The following CAMK4 variants were observed in gnomAD, a reference collection of about 807,000 sequenced individuals.
CAMK4 encodes calcium/calmodulin dependent protein kinase IV, also known as calcium/calmodulin-dependent protein kinase type IV.
Under a neutral mutation model 44.9 loss-of-function variants are expected in CAMK4, and 22 were observed. That is an observed-to-expected ratio of 0.49 (90% CI 0.35 to 0.70). The LOEUF (loss-of-function observed/expected upper bound fraction) is 0.70, where lower values mean the gene tolerates loss of function less well. Among genes scored for constraint, CAMK4 ranks in the 30% least tolerant of loss-of-function variants. The pLI, the probability that CAMK4 is intolerant of heterozygous loss-of-function variation, is 0.01. For missense variants in CAMK4, 498 were observed against 586.8 expected (o/e 0.85, Z 1.56); for synonymous variants, 218 against 215.4 (o/e 1.01, Z -0.11).
At chr5:111,329,973 A>T (rs188130017) in intron 1 of CAMK4, among the ~76,000 whole-genome samples, 3 of 151,700 alleles carry the variant, frequency 2.0e-5, no homozygotes, top group Non-Finnish European at 2.9e-5. Flanking sequence ...ATAGAATATT[A>T]TATTTGAGGT....
chr5:111,460,605 A>G (rs1341111256), intron 7 of CAMK4, among the ~76,000 whole-genome samples: 3 of 152,156 alleles, frequency 2.0e-5, no homozygotes, highest in Non-Finnish European at 2.9e-5. Flanking sequence ...TACTGAAGAT[A>G]TTTTTATGTA....
chr5:111,394,028 G>C (rs1436128460), intron 4 of CAMK4, among the ~76,000 whole-genome samples: 1 of 151,772 alleles, frequency 6.6e-6, no homozygotes, highest in African/African-American at 2.4e-5. Context: ...TTGGCGGGGG[G>C]AAGAGAGAGA....
At chr5:111,380,067 T>C (rs1580676085) in intron 4 of CAMK4, among the ~76,000 whole-genome samples, 1 of 152,270 alleles carries the variant, frequency 6.6e-6, no homozygotes, top group African/African-American at 2.4e-5. Flanking sequence ...TCTCAACTCT[T>C]AAAACCTCAA....
At chr5:111,379,859 A>G (rs2112833195) in intron 4 of CAMK4, among the ~76,000 whole-genome samples, 1 of 152,272 alleles carries the variant, frequency 6.6e-6, no homozygotes, top group Middle Eastern at 3.4e-3. Flanking sequence ...AACATAGTCA[A>G]AATCCAAGTA....
At chr5:111,472,160 G>T (rs1755087618) in intron 7 of CAMK4, among the ~76,000 whole-genome samples, 1 of 152,088 alleles carries the variant, frequency 6.6e-6, no homozygotes, top group Admixed American at 6.5e-5. Flanking sequence ...CTCCCAAAGT[G>T]CTAGGATTAC....
At chr5:111,262,101 G>A in intron 1 of CAMK4, among the ~76,000 whole-genome samples, 1 of 151,328 alleles carries the variant, frequency 6.6e-6, no homozygotes, top group East Asian at 1.9e-4. Flanking sequence ...ACCTTCACAG[G>A]CAGTAGAGAC....
At chr5:111,314,747 T>C (rs1435561083) in intron 1 of CAMK4, among the ~76,000 whole-genome samples, 1 of 152,048 alleles carries the variant, frequency 6.6e-6, no homozygotes, top group African/African-American at 2.4e-5. Flanking sequence ...ACGTTGAAAA[T>C]ACCATTTCTG....
Position 111,429,462 on chromosome 5 carries a change from A to T in CAMK4, c.460-17224A>T, listed in dbSNP as rs189608766. Among the ~76,000 whole-genome samples the T allele has an allele frequency of 6.9e-3, 1,056 of 152,096 alleles. 12 individuals are homozygous for T. The highest frequency in any genetic ancestry group is 0.025 in the African/African-American group (1,022 of 41,436). On this transcript the variant is annotated intron_variant, in intron 5 of 10. Transcript: ENST00000282356. ...AATCTAAAACCTGAACAGACCAATAAAAAGTAATGAAATCGAAGCCATGGC... is the reference window on the plus strand; with the variant it reads ...AATCTAAAACCTGAACAGACCAATATAAAGTAATGAAATCGAAGCCATGGC...
At chr5:111,350,956 C>G (rs1750080091) in intron 2 of CAMK4, among the ~76,000 whole-genome samples, 1 of 151,960 alleles carries the variant, frequency 6.6e-6, no homozygotes, top group Non-Finnish European at 1.5e-5. Flanking sequence ...AGGCTTTGTT[C>G]CAATTTCTTG....
At chr5:111,403,835 T>A (rs1752319551) in intron 5 of CAMK4, among the ~76,000 whole-genome samples, 2 of 152,194 alleles carry the variant, frequency 1.3e-5, no homozygotes, top group Admixed American at 1.3e-4. Flanking sequence ...GATATCAAAA[T>A]TTTACCGAAT....
At chr5:111,327,055 T>C (rs1265011423) in intron 1 of CAMK4, among the ~76,000 whole-genome samples, 2 of 150,178 alleles carry the variant, frequency 1.3e-5, no homozygotes, top group East Asian at 2.0e-4. Flanking sequence ...ATGTGCACAA[T>C]GTGCAGGTTT....
intron 1 of CAMK4, among the ~76,000 whole-genome samples, chr5:111,340,445 C>G (rs1209869156): frequency 1.3e-5 from 2 of 151,266 alleles, no homozygotes; most frequent in Non-Finnish European, 3.0e-5. Context: ...TAAATTTTGT[C>G]AAATGCTTTT....
At chr5:111,481,433 A>G (rs753607279) in intron 9 of CAMK4, among the ~76,000 whole-genome samples, 33 of 152,160 alleles carry the variant, frequency 2.2e-4, no homozygotes, top group Non-Finnish European at 1.9e-4. Flanking sequence ...AAAGAGCCTC[A>G]TGTCTCTGCC....
chr5:111,347,085 A>T (rs1385328967), intron 2 of CAMK4, among the ~76,000 whole-genome samples: 3 of 152,036 alleles, frequency 2.0e-5, no homozygotes, highest in African/African-American at 7.2e-5. Context: ...CTTAAAGTAG[A>T]GGCTTACAAA....
At chr5:111,262,813 G>A (rs1367575092) in intron 1 of CAMK4, among the ~76,000 whole-genome samples, 3 of 152,116 alleles carry the variant, frequency 2.0e-5, no homozygotes, top group Non-Finnish European at 2.9e-5. Flanking sequence ...GAACAAAAAC[G>A]GAAATACACT....
intron 1 of CAMK4, among the ~76,000 whole-genome samples, chr5:111,230,662 C>T (rs114378220): frequency 0.045 from 6,874 of 151,898 alleles, 200 homozygotes; most frequent in Middle Eastern, 0.089. Flanking sequence ...AAAATAGCTT[C>T]AAAGAACTTT....
intron 1 of CAMK4, among the ~76,000 whole-genome samples, chr5:111,337,415 C>T (rs1749452410): frequency 6.6e-6 from 1 of 150,802 alleles, no homozygotes; most frequent in Non-Finnish European, 1.5e-5. Flanking sequence ...CTTTATAAAA[C>T]ATCGTCAAGC....
chr5:111,346,340 ATTTTTTAC>A (rs1749862580), intron 2 of CAMK4, among the ~76,000 whole-genome samples: 1 of 151,910 alleles, frequency 6.6e-6, no homozygotes, highest in South Asian at 2.1e-4. Context: ...TATTAATGCA[ATTTTTTAC>A]TTATTTCTTG....
At chr5:111,257,977 G>A (rs1749811671) in intron 1 of CAMK4, among the ~76,000 whole-genome samples, 1 of 152,116 alleles carries the variant, frequency 6.6e-6, no homozygotes, top group African/African-American at 2.4e-5. Context: ...ACCATCTCAG[G>A]GGAACAACAC....
Sources: allele counts gnomAD v4.1 joint callset (sites outside exome capture counted in the v4.1 genomes callset), GRCh38; gene constraint gnomAD v4.1.1; transcripts MANE v1.5; gene names NCBI Gene and HGNC (gene_info 2026-07-23, HGNC 2026-07-21).